FBXL16: variants seen among roughly 807,000 people sequenced by gnomAD.
The protein encoded by FBXL16 is F-box/LRR-repeat protein 16.
A neutral mutation model predicts 36.7 loss-of-function variants in FBXL16; 7 were observed. That is an observed-to-expected ratio of 0.19 (90% confidence interval 0.11 to 0.36). The LOEUF (loss-of-function observed/expected upper bound fraction) is 0.36. FBXL16 is among the 10% of genes least tolerant of loss of function. The pLI is 1.00. For missense variants in FBXL16, 463 were observed against 659.4 expected (o/e 0.70, Z 3.26); for synonymous variants, 355 against 308.7 (o/e 1.15, Z -1.57).
chr16:704,776 C>A (rs1278169179), intron 1 of FBXL16, among the ~76,000 whole-genome samples: 1 of 152,222 alleles, frequency 6.6e-6, no homozygotes, highest in Non-Finnish European at 1.5e-5. Flanking sequence ...GGAGGGCAGG[C>A]TGCCCGAACA....
Position 694,267 on chromosome 16 carries a change from G to A in FBXL16, c.*8C>T. ...CCGGGTTCCCGCGACCGGGGCGGGG[G>A]CCTCGCGCTACTCAATGACGAGGCA... On this transcript the variant is annotated 3_prime_UTR_variant, in exon 6 of 6. Coordinates refer to ENST00000397621, the MANE Select transcript of FBXL16 (RefSeq NM_153350.4). 1 of 1,375,986 alleles carries A rather than the reference G, an allele frequency of 7.3e-7. No homozygotes were observed. The highest frequency in any genetic ancestry group is 9.4e-7 in the Non-Finnish European group (1 of 1,061,688). The allele number at this position is 1,375,986 out of a possible 1,614,324, so 85.2% of individuals were successfully genotyped here.
At position 694,146 on chromosome 16, in the gene FBXL16, C is replaced by G. The variant is rs2039991986; in HGVS notation, c.*129G>C. 3.4e-6 allele frequency: 2 copies of G among 580,016 alleles called. No individual in the cohort carries two copies. Among genetic ancestry groups the G allele is most frequent in the East Asian group, 8.4e-5 (2 of 23,682 alleles). The allele number at this position is 580,016 out of a possible 1,614,324, so 35.9% of individuals were successfully genotyped here. ...GGAGGGGCTTTCCCTCGGCTCGCCC[C>G]GCCTCCCGCGCTGGGCCGGGGGCGC... is the stretch of plus-strand genomic sequence containing the variant. On this transcript the variant is annotated 3_prime_UTR_variant, in exon 6 of 6. Transcript: ENST00000397621.
intron 2 of FBXL16, 38 bp downstream of exon 2, chr16:696,735 T>TG: frequency 1.1e-6 from 1 of 874,014 alleles, no homozygotes; most frequent in Non-Finnish European, 1.5e-6. Context: ...TGCCCGCCCC[T>TG]GCCCCCCAGC....
At position 705,554 on chromosome 16, in the gene FBXL16, G is replaced by C. The variant is rs1596577888; in HGVS notation, c.-57C>G. On this transcript the variant is annotated 5_prime_UTR_variant, in exon 1 of 6. Transcript: ENST00000397621. ...GCTCATGCCACGCTGTCCGCCGGGC[G>C]ACCTCCCGTCATGGGGAGCCCGGCA... The C allele has an allele frequency of 1.3e-5, 2 of 150,468 alleles. No individual in the cohort carries two copies. The highest frequency in any genetic ancestry group is 2.1e-4 in the South Asian group (1 of 4,814). 9.3% of individuals were successfully genotyped at this position (150,468 alleles called of 1,614,324 possible). A position where few individuals can be genotyped will look rare whatever the true frequency, so the allele number is the denominator to read the frequency against.
At chr16:705,320 G>A (rs973780684) in intron 1 of FBXL16, among the ~76,000 whole-genome samples, 192 bp downstream of exon 1, 1 of 152,028 alleles carries the variant, frequency 6.6e-6, no homozygotes, top group African/African-American at 2.4e-5. Flanking sequence ...GCGGGGCTGC[G>A]GGAAGGCCAG....
At chr16:696,659 G>C in intron 2 of FBXL16, 114 bp downstream of exon 2, 1 of 519,918 alleles carries the variant, frequency 1.9e-6, no homozygotes, top group Non-Finnish European at 2.5e-6. Flanking sequence ...GAGGTCCCCT[G>C]TAGTCAGTCC....
rs908468512 is a variant in FBXL16 at position 700,455 on chromosome 16, A to G, written c.-14-3036T>C. ...TGCAAGGGCCGGCTGGGGTCGGCAC[A>G]TGATTCGACCTCACGGCCGCCCTTA... On this transcript the variant is annotated intron_variant, in intron 1 of 5. Transcript: ENST00000397621. Among the ~76,000 whole-genome samples, 6 of 152,076 alleles carry G rather than the reference A, an allele frequency of 3.9e-5. No homozygotes were observed. The South Asian group carries it at 1.0e-3, about 26-fold the overall frequency.
chr16:700,807 C>T (rs1412091872), intron 1 of FBXL16, among the ~76,000 whole-genome samples: 4 of 152,054 alleles, frequency 2.6e-5, no homozygotes, highest in Admixed American at 2.0e-4. Context: ...ACAGCGGCCG[C>T]CCCAGCCGCG....
At chr16:702,737 T>C (rs1596576564) in intron 1 of FBXL16, among the ~76,000 whole-genome samples, 1 of 152,136 alleles carries the variant, frequency 6.6e-6, no homozygotes, top group South Asian at 2.1e-4. Flanking sequence ...ACTAGGTTGG[T>C]ACCTGAGTCA....
Position 694,984 on chromosome 16 carries a change from G to T in FBXL16, c.1227+8C>A. On this transcript the variant is annotated splice_region_variant and intron_variant, in intron 4 of 5. Transcript: ENST00000397621. ...GATCCCCCAATCCCGGGGCGTGAGA[G>T]CCGGTACCTGGCAGCACCATCGCAG... The T allele has an allele frequency of 6.5e-7, 1 of 1,530,044 alleles. No homozygotes were observed. Among genetic ancestry groups the T allele is most frequent in the Non-Finnish European group, 8.8e-7 (1 of 1,135,902 alleles). The allele number at this position is 1,530,044 out of a possible 1,614,324, so 94.8% of individuals were successfully genotyped here.
At chr16:699,210 G>A (rs1472803299) in intron 1 of FBXL16, among the ~76,000 whole-genome samples, 1 of 152,238 alleles carries the variant, frequency 6.6e-6, no homozygotes, top group Admixed American at 6.5e-5. Context: ...GCTGAGGAAG[G>A]CCATGCGGAG....
At position 694,291 on chromosome 16, in the gene FBXL16, CAGCGGG is replaced by C; in HGVS notation, c.1418_1423del (p.Pro473_Cys475delinsArg). On this transcript the variant is annotated inframe_deletion, in exon 6 of 6. Transcript: ENST00000397621. ...GGCCTCGCGCTACTCAATGACGAGG[CAGCGGG>C]GCAGGTGCTGCGAGAAATACTTGAA... 7.0e-7 allele frequency: 1 copy of C among 1,434,082 alleles called. No homozygotes were observed. The highest frequency in any genetic ancestry group is 9.2e-7 in the Non-Finnish European group (1 of 1,092,184). 88.8% of individuals were successfully genotyped at this position (1,434,082 alleles called of 1,614,324 possible).
At chr16:703,476 C>G (rs2040070727) in intron 1 of FBXL16, among the ~76,000 whole-genome samples, 1 of 152,208 alleles carries the variant, frequency 6.6e-6, no homozygotes, top group Non-Finnish European at 1.5e-5. Flanking sequence ...TGGGCAGGGC[C>G]CTGGTGGCCA....
At chr16:695,228 G>T in intron 3 of FBXL16, 152 bp from the exon 4 acceptor site, 1 of 1,153,468 alleles carries the variant, frequency 8.7e-7, no homozygotes. Context: ...GGAAGGACGG[G>T]GGTCCAGCCA....
rs1443376559 is a variant in FBXL16 at position 693,971 on chromosome 16, C to T, written c.*304G>A. ...GAGGGCGAGCGAGTGATGGCGGCGG[C>T]TGTGGCTGTGGCGTGGCGGAGGGCG... On this transcript the variant is annotated 3_prime_UTR_variant, in exon 6 of 6. Coordinates refer to ENST00000397621, the MANE Select transcript of FBXL16 (RefSeq NM_153350.4). 3 of 135,362 alleles carry T rather than the reference C, an allele frequency of 2.2e-5. No individual in the cohort carries two copies. Among genetic ancestry groups the T allele is most frequent in the Non-Finnish European group, 2.5e-5 (2 of 79,352 alleles). The allele number at this position is 135,362 out of a possible 1,614,324, so 8.4% of individuals were successfully genotyped here. A position where few individuals can be genotyped will look rare whatever the true frequency, so the allele number is the denominator to read the frequency against.
Sources: allele counts gnomAD v4.1 joint callset (sites outside exome capture counted in the v4.1 genomes callset), GRCh38; gene constraint gnomAD v4.1.1; transcripts MANE v1.5; gene names NCBI Gene and HGNC (gene_info 2026-07-23, HGNC 2026-07-21).